The following ACTR3C variants were observed in gnomAD, a reference collection of about 807,000 sequenced individuals.
ACTR3C encodes the protein actin related protein 3C, also known as actin-related protein 3C.
A neutral mutation model predicts 26.3 loss-of-function variants in ACTR3C; 18 were observed. The ratio of observed to expected loss-of-function variants is 0.68; its 90% CI spans 0.47 to 1.01. The LOEUF (loss-of-function observed/expected upper bound fraction) is 1.01, where lower values mean the gene tolerates loss of function less well. ACTR3C is among the 50% of genes least tolerant of loss of function. The probability of loss-of-function intolerance (pLI) is 0.00; values close to 1 mark genes in which losing one functional copy is unlikely to be tolerated. For missense variants in ACTR3C, 184 were observed against 250.7 expected, an observed-to-expected ratio of 0.73 and a Z score of 1.80; for synonymous variants, 55 against 94.5, an observed-to-expected ratio of 0.58 and a Z score of 2.42.
chr7:150,169,096 AG>A, the ACTR3C span, among the ~76,000 whole-genome samples: 1 of 150,436 alleles, frequency 6.6e-6, no homozygotes, highest in Non-Finnish European at 1.5e-5. Context: ...AAGAAGATGG[AG>A]GGGGCTGGGC....
At chr7:150,267,791 C>T (rs980287300) in intron 6 of ACTR3C, among the ~76,000 whole-genome samples, 5 of 152,270 alleles carry the variant, frequency 3.3e-5, no homozygotes, top group South Asian at 2.1e-4. Flanking sequence ...TATGAAACTT[C>T]GGGAAATCAA....
chr7:150,051,519 G>A, the ACTR3C span, among the ~76,000 whole-genome samples: 1 of 146,242 alleles, frequency 6.8e-6, no homozygotes, highest in African/African-American at 2.5e-5. Context: ...CTCCTTGAAC[G>A]TCTGAAATAC....
At chr7:149,978,186 T>C in the ACTR3C span, among the ~76,000 whole-genome samples, 977 of 152,370 alleles carry the variant, frequency 6.4e-3, 10 homozygotes, top group African/African-American at 0.022. Context: ...AGTTGGTTTG[T>C]ATGAGCAGTG....
At chr7:149,900,991 C>T in the ACTR3C span, among the ~76,000 whole-genome samples, 4 of 152,214 alleles carry the variant, frequency 2.6e-5, no homozygotes, top group South Asian at 2.1e-4. Context: ...CGACATCACA[C>T]CACTGCACTC....
the ACTR3C span, among the ~76,000 whole-genome samples, chr7:150,023,178 T>G: frequency 1.4e-5 from 2 of 147,488 alleles, no homozygotes; most frequent in Non-Finnish European, 3.0e-5. Flanking sequence ...GATATATAGA[T>G]ATCTCTCTAT....
the ACTR3C span, among the ~76,000 whole-genome samples, chr7:149,967,168 G>A: frequency 3.3e-5 from 5 of 151,558 alleles, no homozygotes. Context: ...CCTAGTAGCT[G>A]GGACTACAGG....
At chr7:149,958,465 G>A in the ACTR3C span, among the ~76,000 whole-genome samples, 1 of 152,320 alleles carries the variant, frequency 6.6e-6, no homozygotes, top group South Asian at 2.1e-4. Flanking sequence ...AGAGTTACCT[G>A]CCTGATCCCA....
chr7:150,322,557 G>A (rs2129617858), intron 1 of ACTR3C: 1 of 152,338 alleles, frequency 6.6e-6, no homozygotes, highest in Non-Finnish European at 1.5e-5. Flanking sequence ...GTCTAAAAAG[G>A]GGAGGAAGCC....
downstream of ACTR3C, among the ~76,000 whole-genome samples, chr7:150,243,712 A>G (rs1284676036): frequency 1.3e-5 from 2 of 152,164 alleles, no homozygotes; most frequent in African/African-American, 2.4e-5. Context: ...ATATAATACA[A>G]TGTAAATGCT....
At chr7:149,934,542 G>T in the ACTR3C span, among the ~76,000 whole-genome samples, 2,117 of 152,244 alleles carry the variant, frequency 0.014, 51 homozygotes, top group African/African-American at 0.047. Flanking sequence ...GGAATTGTGG[G>T]TTATTCACTT....
chr7:150,250,730 T>G (rs187753448), intron 6 of ACTR3C, among the ~76,000 whole-genome samples: 1 of 151,628 alleles, frequency 6.6e-6, no homozygotes, highest in South Asian at 2.1e-4. Flanking sequence ...TCCCGGAAGT[T>G]TGGCTTCAGT....
the ACTR3C span, among the ~76,000 whole-genome samples, chr7:149,910,465 G>A: frequency 6.6e-6 from 1 of 152,022 alleles, no homozygotes; most frequent in Non-Finnish European, 1.5e-5. Context: ...ATATAAAAGG[G>A]GGGGTGGTGG....
chr7:150,129,745 T>C, the ACTR3C span, among the ~76,000 whole-genome samples: 13 of 152,150 alleles, frequency 8.5e-5, no homozygotes, highest in Non-Finnish European at 1.9e-4. Context: ...TTAATGTTAC[T>C]AACATGCCAA....
chr7:150,008,088 A>G, the ACTR3C span, among the ~76,000 whole-genome samples: 3 of 152,348 alleles, frequency 2.0e-5, no homozygotes, highest in Middle Eastern at 3.4e-3. Context: ...GGAGACTCGC[A>G]TTCCACGTTT....
At chr7:150,132,097 T>TA in the ACTR3C span, among the ~76,000 whole-genome samples, 1 of 152,206 alleles carries the variant, frequency 6.6e-6, no homozygotes, top group Non-Finnish European at 1.5e-5. Flanking sequence ...GGGAGTGTCC[T>TA]AGTGGGCTTA....
the ACTR3C span, among the ~76,000 whole-genome samples, chr7:149,947,611 AG>A: frequency 5.9e-5 from 6 of 102,322 alleles, no homozygotes; most frequent in Non-Finnish European, 9.1e-5. Context: ...GGGCTTCGCT[AG>A]GTGCTTGGGC....
the ACTR3C span, among the ~76,000 whole-genome samples, chr7:150,014,443 G>C: frequency 7.7e-6 from 1 of 129,454 alleles, no homozygotes; most frequent in Non-Finnish European, 1.6e-5. Flanking sequence ...GTGACAGAGT[G>C]AGACTCCGTC....
At chr7:150,117,671 A>G in the ACTR3C span, among the ~76,000 whole-genome samples, 6 of 152,230 alleles carry the variant, frequency 3.9e-5, no homozygotes, top group Non-Finnish European at 8.8e-5. Flanking sequence ...GCAGAATTAA[A>G]CATTCCTGCC....
At chr7:150,037,868 G>C in the ACTR3C span, among the ~76,000 whole-genome samples, 1 of 115,764 alleles carries the variant, frequency 8.6e-6, no homozygotes, top group Non-Finnish European at 1.9e-5. Flanking sequence ...CAGCGATGGG[G>C]GTCCTAAGAG....
Sources: gnomAD v4.1 joint callset for allele counts (sites outside exome capture counted in the v4.1 genomes callset) on GRCh38, gnomAD v4.1.1 for gene constraint, MANE v1.5 for transcripts, NCBI Gene and HGNC (gene_info 2026-07-23, HGNC 2026-07-21) for gene names.